STK3: variants seen among roughly 807,000 people sequenced by gnomAD.
STK3 encodes serine/threonine kinase 3.
A neutral mutation model predicts 58.0 loss-of-function variants in STK3; 41 were observed. The observed-to-expected ratio is 0.71, with a 90% CI of 0.55 to 0.92. The LOEUF (loss-of-function observed/expected upper bound fraction) is 0.92. Among genes scored for constraint, STK3 ranks in the 40% least tolerant of loss-of-function variants. The pLI is 0.00. For synonymous variants in STK3, 170 were observed against 191.0 expected (o/e 0.89, Z 0.91); for missense variants, 479 against 602.7 (o/e 0.79, Z 2.15).
chr8:98,824,191 C>T (rs955889863), intron 1 of STK3, among the ~76,000 whole-genome samples: 1 of 152,170 alleles, frequency 6.6e-6, no homozygotes, highest in Non-Finnish European at 1.5e-5. Context: ...CAAAATAAGA[C>T]TCTGAATAAG....
intron 3 of STK3, among the ~76,000 whole-genome samples, chr8:98,410,142 C>T (rs925438168): frequency 1.3e-5 from 2 of 152,074 alleles, no homozygotes; most frequent in African/African-American, 4.8e-5. Flanking sequence ...AACCAGCTGG[C>T]TAAAATCGGT....
At chr8:98,820,301 C>A (rs1834806510) in intron 1 of STK3, among the ~76,000 whole-genome samples, 1 of 152,168 alleles carries the variant, frequency 6.6e-6, no homozygotes, top group South Asian at 2.1e-4. Flanking sequence ...AAAGAACTCA[C>A]CTGTCTTGAG....
At chr8:98,885,990 AT>A (rs1311115580) in intron 1 of STK3, among the ~76,000 whole-genome samples, 1 of 152,222 alleles carries the variant, frequency 6.6e-6, no homozygotes, top group East Asian at 1.9e-4. Flanking sequence ...CTTATATAAC[AT>A]TCTTAAAATG....
intron 10 of STK3, among the ~76,000 whole-genome samples, chr8:98,484,821 T>C (rs1388820772): frequency 6.6e-6 from 1 of 152,180 alleles, no homozygotes; most frequent in African/African-American, 2.4e-5. Flanking sequence ...TACACATATG[T>C]ACATGTGTAT....
chr8:98,353,762 C>T, the STK3 span, among the ~76,000 whole-genome samples: 1 of 151,962 alleles, frequency 6.6e-6, no homozygotes, highest in Non-Finnish European at 1.5e-5. Flanking sequence ...AATGAATGAA[C>T]AAATATAGGT....
At chr8:98,906,504 G>A (rs1838908487) in intron 1 of STK3, 1 of 152,226 alleles carries the variant, frequency 6.6e-6, no homozygotes, top group African/African-American at 2.4e-5. Context: ...CAACAGAGGA[G>A]GGCAGTCAGG....
chr8:98,520,527 G>C (rs1375216622), intron 10 of STK3, among the ~76,000 whole-genome samples: 1 of 152,016 alleles, frequency 6.6e-6, no homozygotes, highest in Non-Finnish European at 1.5e-5. Context: ...TACCTCAAAA[G>C]ACAATAAAGT....
intron 6 of STK3, among the ~76,000 whole-genome samples, chr8:98,627,236 G>A (rs954636553): frequency 8.6e-5 from 13 of 151,662 alleles, no homozygotes; most frequent in Admixed American, 1.3e-4. Context: ...AAAATTAGCC[G>A]GGCACAGCAG....
chr8:98,367,050 A>G (rs1817572012), downstream of STK3, among the ~76,000 whole-genome samples: 1 of 152,212 alleles, frequency 6.6e-6, no homozygotes, highest in Non-Finnish European at 1.5e-5. Flanking sequence ...TCTGTCTCCA[A>G]AGTGTTGGTG....
downstream of STK3, among the ~76,000 whole-genome samples, chr8:98,367,523 T>A (rs1449171994): frequency 1.3e-5 from 2 of 152,240 alleles, no homozygotes; most frequent in African/African-American, 4.8e-5. Context: ...GGCCAACTGC[T>A]GTTCTGAAGT....
At position 98,811,270 on chromosome 8, in the gene STK3, T is replaced by G. The variant is rs1216641137; in HGVS notation, c.26+14245A>C. On this transcript the variant is annotated intron_variant, in intron 1 of 10. Transcript: ENST00000419617. ...AGTGCCTTCTACCTGATTTCAGCTC[T>G]GTAACTGTCAATCTCTTTTTCTCTT... 2.0e-5 allele frequency among the ~76,000 whole-genome samples: 3 copies of G among 152,212 alleles called. No homozygotes were observed. In the East Asian group the frequency reaches 5.8e-4, roughly 29 times the overall value.
chr8:98,814,341 G>A (rs937905424), intron 1 of STK3, among the ~76,000 whole-genome samples: 5 of 145,726 alleles, frequency 3.4e-5, no homozygotes, highest in Non-Finnish European at 7.5e-5. Context: ...GTGAGCCACC[G>A]CGCCCAGCAT....
At chr8:98,579,130 A>G (rs1681569084) in intron 8 of STK3, among the ~76,000 whole-genome samples, 1 of 152,280 alleles carries the variant, frequency 6.6e-6, no homozygotes, top group African/African-American at 2.4e-5. Flanking sequence ...CCGCCCAGGT[A>G]ACACAGTGAG....
the STK3 span, among the ~76,000 whole-genome samples, chr8:98,347,471 C>T: frequency 4.0e-5 from 6 of 151,350 alleles, no homozygotes; most frequent in South Asian, 2.1e-4. Flanking sequence ...GCCAAGATTG[C>T]GCCACTGCAC....
intron 10 of STK3, among the ~76,000 whole-genome samples, chr8:98,519,595 AC>A (rs1422860504): frequency 1.3e-5 from 2 of 152,092 alleles, no homozygotes; most frequent in East Asian, 3.8e-4. Context: ...TGCAACAGTG[AC>A]TTTTGTTTTG....
At chr8:98,587,097 T>C (rs1814695651) in intron 7 of STK3, among the ~76,000 whole-genome samples, 1 of 152,168 alleles carries the variant, frequency 6.6e-6, no homozygotes, top group Non-Finnish European at 1.5e-5. Flanking sequence ...CTCTGTTTCC[T>C]TCAGTTCTGC....
chr8:98,364,736 T>A, the STK3 span, among the ~76,000 whole-genome samples: 1,241 of 152,304 alleles, frequency 8.1e-3, 84 homozygotes, highest in East Asian at 0.17. Flanking sequence ...GTGACTCCTG[T>A]GGACTACATC....
intron 6 of STK3, among the ~76,000 whole-genome samples, chr8:98,689,562 C>G (rs963171332): frequency 6.6e-6 from 1 of 152,146 alleles, no homozygotes; most frequent in African/African-American, 2.4e-5. Context: ...AGAAGGATCA[C>G]TGGAGCTCAG....
At chr8:98,855,960 C>A (rs998146011) in intron 3 of STK3, among the ~76,000 whole-genome samples, 1 of 151,988 alleles carries the variant, frequency 6.6e-6, no homozygotes, top group African/African-American at 2.4e-5. Context: ...AGTTCGAGAC[C>A]AGCCTGGCCA....
Sources: gnomAD v4.1 joint callset for allele counts (sites outside exome capture counted in the v4.1 genomes callset) on GRCh38, gnomAD v4.1.1 for gene constraint, MANE v1.5 for transcripts, NCBI Gene and HGNC (gene_info 2026-07-23, HGNC 2026-07-21) for gene names.